The following EHHADH variants were observed in gnomAD, a reference collection of about 807,000 sequenced individuals.
EHHADH encodes enoyl-CoA hydratase and 3-hydroxyacyl CoA dehydrogenase, also known as peroxisomal bifunctional enzyme.
EHHADH carries 48 observed loss-of-function variants against 64.4 expected under a neutral mutation model. The ratio of observed to expected loss-of-function variants is 0.75; its 90% CI spans 0.59 to 0.95. The LOEUF is 0.95. EHHADH is among the 40% of genes least tolerant of loss of function. The pLI is 0.00. For synonymous variants in EHHADH, 308 were observed against 326.7 expected, an observed-to-expected ratio of 0.94 and a Z score of 0.62; for missense variants, 854 against 876.6, an observed-to-expected ratio of 0.97 and a Z score of 0.33.
rs186604480 is a variant in EHHADH, at chr3:185,240,306, T to C, written c.179-4844A>G. The stretch of plus-strand genomic sequence containing the variant: ...ATAGAATGATTTAGGGAGGAATCTT[T>C]CCTCCTTGATTTTTCAGAATAGTTT... On this transcript the variant is annotated intron_variant, in intron 2 of 6. Transcript: ENST00000231887. 2.1e-3 allele frequency among the ~76,000 whole-genome samples: 316 copies of C among 152,148 alleles called. 1 individual carries two copies. The highest frequency in any genetic ancestry group is 0.01 in the Middle Eastern group (3 of 294).
chr3:185,248,365 T>G (rs777714749), intron 2 of EHHADH, 49 bp downstream of exon 2: 5 of 1,333,224 alleles, frequency 3.8e-6, no homozygotes, highest in Non-Finnish European at 4.3e-6. Context: ...TTGGTCTCAG[T>G]CTGTGGCTGG....
At chr3:185,203,396 A>G (rs750022144) in intron 6 of EHHADH, among the ~76,000 whole-genome samples, 11 of 152,188 alleles carry the variant, frequency 7.2e-5, no homozygotes, top group Non-Finnish European at 1.5e-4. Context: ...AAAAAAGAAA[A>G]GAAAGAAAGT....
chr3:185,217,613 G>A lies in EHHADH; in HGVS notation c.568+523C>T, dbSNP rs1042313723. Among the ~76,000 whole-genome samples, 21 of 150,438 alleles carry A rather than the reference G, an allele frequency of 1.4e-4. 1 individual carries two copies. Among genetic ancestry groups the A allele is most frequent in the African/African-American group, 4.6e-4 (19 of 40,902 alleles). On this transcript the variant is annotated intron_variant, in intron 5 of 6. Coordinates refer to ENST00000231887, the MANE Select transcript of EHHADH (RefSeq NM_001966.4). ...CTCTCTTGCTCTCTTGCCATATGAC[G>A]TGCCTATTCCTGCTTCACGTTCAAC...
At chr3:185,217,578 C>T (rs1477315616) in intron 5 of EHHADH, among the ~76,000 whole-genome samples, 1 of 148,180 alleles carries the variant, frequency 6.7e-6, no homozygotes, top group Non-Finnish European at 1.5e-5. Context: ...AGTTTGGGAC[C>T]TCCACACTTC....
rs1188451644 is a variant in EHHADH, at chr3:185,190,790, A to G, written c.*1436T>C. ...TTTGCTTTTTAACAACGGAAAACTTATACTCCATTCAAGATTTTTCCATCA... is the reference window on the plus strand; with the variant it reads ...TTTGCTTTTTAACAACGGAAAACTTGTACTCCATTCAAGATTTTTCCATCA... On this transcript the variant is annotated 3_prime_UTR_variant, in exon 7 of 7. Transcript: ENST00000231887. 1 of 152,232 alleles carries G rather than the reference A, an allele frequency of 6.6e-6. No homozygotes were observed. Among genetic ancestry groups the G allele is most frequent in the African/African-American group, 2.4e-5 (1 of 41,450 alleles). The allele number at this position is 152,232 out of a possible 1,614,324, so 9.4% of individuals were successfully genotyped here.
chr3:185,193,624 C>A, intron 6 of EHHADH, 137 bp from the exon 7 acceptor site: 1 of 956,854 alleles, frequency 1.0e-6, no homozygotes, highest in Admixed American at 2.9e-5. Flanking sequence ...GGATTGAGTA[C>A]TAGTTAAGAC....
At chr3:185,235,624 C>G (rs1253342879) in intron 2 of EHHADH, among the ~76,000 whole-genome samples, 162 bp from the exon 3 acceptor site, 1 of 151,962 alleles carries the variant, frequency 6.6e-6, no homozygotes, top group African/African-American at 2.4e-5. Flanking sequence ...TCTTTGGGCC[C>G]TTACACTTCA....
intron 2 of EHHADH, among the ~76,000 whole-genome samples, chr3:185,241,452 C>A (rs1364667087): frequency 6.6e-6 from 1 of 152,204 alleles, no homozygotes; most frequent in Non-Finnish European, 1.5e-5. Context: ...ATCGCATCCA[C>A]ATCAACATCT....
At position 185,253,986 on chromosome 3, in the gene EHHADH, G is replaced by T. The variant is rs759411054; in HGVS notation, c.37C>A (p.Leu13Ile). 2 of 1,614,002 alleles carry T rather than the reference G, an allele frequency of 1.2e-6. No individual in the cohort carries two copies. Among genetic ancestry groups the T allele is most frequent in the Non-Finnish European group, 8.5e-7 (1 of 1,179,942 alleles). The change falls in exon 1 of 7, where the codon CTA becomes ATA. Residue 13 changes from leucine (L) to isoleucine (I), a missense_variant. Transcript: ENST00000231887. ...EYTRLHNALA[L>I]IRLRNPPVNA... The stretch of plus-strand genomic sequence containing the variant: ...ACCGGCGGGTTTCGGAGGCGGATTA[G>T]CGCCAAGGCGTTGTGCAGCCGCGTA...
intron 4 of EHHADH, among the ~76,000 whole-genome samples, chr3:185,225,744 T>A (rs1236495984): frequency 6.6e-6 from 1 of 152,194 alleles, no homozygotes; most frequent in Non-Finnish European, 1.5e-5. Flanking sequence ...TACATTGACC[T>A]TCTTGCTGTT....
intron 2 of EHHADH, 149 bp downstream of exon 2, chr3:185,248,265 C>T (rs1719649769): frequency 1.5e-6 from 1 of 667,664 alleles, no homozygotes; most frequent in Non-Finnish European, 2.7e-6. Flanking sequence ...ATTCCTGTCC[C>T]TTTCTCCACA....
In EHHADH at chr3:185,192,937, A is replaced by G. The variant is rs778987672; in HGVS notation, c.1461T>C (p.Pro487=). 1.9e-6 allele frequency: 3 copies of G among 1,614,120 alleles called. No homozygotes were observed. The South Asian group carries it at 3.3e-5, about 18-fold the overall frequency. ...FGFVGNRMLN[P]YYNQAYFLLE... ...ACAAGAAATATGCCTGATTGTAGTA[A>G]GGATTCAACATTCGATTCCCCACAA... The change falls in exon 7 of 7, where the codon CCT becomes CCC. Residue 487 remains proline, a synonymous_variant. Coordinates refer to ENST00000231887, the MANE Select transcript of EHHADH (RefSeq NM_001966.4).
chr3:185,220,308 C>T (rs757416922), intron 4 of EHHADH, among the ~76,000 whole-genome samples: 1 of 152,190 alleles, frequency 6.6e-6, no homozygotes, highest in Non-Finnish European at 1.5e-5. Flanking sequence ...GTCAACAACA[C>T]ATATATGATG....
At chr3:185,253,196 G>C in intron 1 of EHHADH, 1 of 144,398 alleles carries the variant, frequency 6.9e-6, no homozygotes, top group South Asian at 2.3e-4. Flanking sequence ...GCAAAATTCT[G>C]CTTTAATCAC....
intron 6 of EHHADH, among the ~76,000 whole-genome samples, chr3:185,193,827 C>A (rs772559782): frequency 6.6e-6 from 1 of 151,970 alleles, no homozygotes; most frequent in African/African-American, 2.4e-5. Flanking sequence ...ATTCTACTTA[C>A]AATAGCATCA....
At position 185,204,131 on chromosome 3, in the gene EHHADH, T is replaced by C. The variant is rs556268267; in HGVS notation, c.910+285A>G. ...CTGGGTGACAGAACAAGACTCTGTC[T>C]CAAAAAAAAAAAAAAAAAAAAAAAA... On this transcript the variant is annotated intron_variant, in intron 6 of 6. Transcript: ENST00000231887. 7.4e-5 allele frequency among the ~76,000 whole-genome samples: 4 copies of C among 54,120 alleles called. No individual in the cohort carries two copies. The South Asian group carries it at 2.2e-3, about 30-fold the overall frequency. 35.5% of individuals were successfully genotyped at this position (54,120 alleles called of 152,430 possible).
At position 185,217,051 on chromosome 3, in the gene EHHADH, T is replaced by C. The variant is rs182948318; in HGVS notation, c.568+1085A>G. Among the ~76,000 whole-genome samples, 332 of 152,246 alleles carry C rather than the reference T, an allele frequency of 2.2e-3. 3 individuals carry two copies. Among genetic ancestry groups the C allele is most frequent in the Non-Finnish European group, 7.8e-4 (53 of 68,014 alleles). Reference sequence around the variant, plus strand: ...AAGTTCTCAAGGCCCACAGTTTTACTGCGGTAAATTATAGAGCCTGTGATA... The same window carrying C: ...AAGTTCTCAAGGCCCACAGTTTTACCGCGGTAAATTATAGAGCCTGTGATA... On this transcript the variant is annotated intron_variant, in intron 5 of 6. Transcript: ENST00000231887.
chr3:185,216,310 GA>G lies in EHHADH; in HGVS notation c.568+1825del, dbSNP rs1246598475. Among the ~76,000 whole-genome samples the G allele has an allele frequency of 6.6e-6, 1 of 152,144 alleles. No homozygotes were observed. Among genetic ancestry groups the G allele is most frequent in the Non-Finnish European group, 1.5e-5 (1 of 68,020 alleles). On this transcript the variant is annotated intron_variant, in intron 5 of 6. Transcript: ENST00000231887. This position sits in a 1 kb window ranked among gnomAD's most constrained non-coding sequence, Gnocchi z 5.3. Reference sequence around the variant, plus strand: ...TCAGAATCTAGGGAAATCACTTAAGGAAAAGAACTTCCTGTTGAAATTGAGA... The same window carrying G: ...TCAGAATCTAGGGAAATCACTTAAGGAAAGAACTTCCTGTTGAAATTGAGA...
intron 4 of EHHADH, among the ~76,000 whole-genome samples, chr3:185,220,658 C>A (rs1016400574): frequency 1.3e-5 from 2 of 152,148 alleles, no homozygotes; most frequent in Non-Finnish European, 2.9e-5. Flanking sequence ...CTCTGTATAT[C>A]CAATCCAGAT....
Sources: gnomAD v4.1 joint callset for allele counts (sites outside exome capture counted in the v4.1 genomes callset) on GRCh38, gnomAD v4.1.1 for gene constraint, Gnocchi (gnomAD v3.1) non-coding constraint, MANE v1.5 for transcripts, NCBI Gene and HGNC (gene_info 2026-07-23, HGNC 2026-07-21) for gene names.